RGS6: variants seen among roughly 807,000 people sequenced by gnomAD.
The protein encoded by RGS6 is regulator of G protein signaling 6.
Under a neutral mutation model 78.5 loss-of-function variants are expected in RGS6, and 30 were observed. The observed-to-expected ratio is 0.38, with a 90% CI of 0.29 to 0.52. The LOEUF is 0.52. Ranked by LOEUF, RGS6 falls within the 20% of genes least tolerant of loss-of-function variation. The pLI is 0.85. For missense variants in RGS6, 495 were observed against 609.7 expected (o/e 0.81, Z 1.98); for synonymous variants, 206 against 206.0 (o/e 1.00, Z 0.00).
the RGS6 span, among the ~76,000 whole-genome samples, chr14:72,592,060 T>TG: frequency 3.1e-4 from 47 of 152,302 alleles, no homozygotes; most frequent in South Asian, 4.6e-3. Flanking sequence ...CACCTGGGAT[T>TG]TTTTACCATT....
At chr14:72,277,581 G>A (rs2060883173) in intron 2 of RGS6, among the ~76,000 whole-genome samples, 1 of 150,990 alleles carries the variant, frequency 6.6e-6, no homozygotes, top group African/African-American at 2.4e-5. Context: ...TGGTGACAGA[G>A]AGCGACTCCA....
chr14:71,986,402 A>G (rs940194051), intron 2 of RGS6, among the ~76,000 whole-genome samples: 1 of 152,172 alleles, frequency 6.6e-6, no homozygotes, highest in South Asian at 2.1e-4. Context: ...AATTGCCACA[A>G]ATGTAATGGC....
the RGS6 span, among the ~76,000 whole-genome samples, chr14:71,919,195 G>T: frequency 2.6e-5 from 4 of 152,172 alleles, no homozygotes; most frequent in African/African-American, 9.7e-5. Flanking sequence ...GCCTCAGAGG[G>T]GGAGAAGAGC....
intron 2 of RGS6, among the ~76,000 whole-genome samples, chr14:72,069,050 C>A (rs2094300682): frequency 6.6e-6 from 1 of 151,726 alleles, no homozygotes; most frequent in Non-Finnish European, 1.5e-5. Context: ...TGGCTCACTG[C>A]AACCTCTGGC....
intron 3 of RGS6, among the ~76,000 whole-genome samples, chr14:72,387,204 A>G (rs2088387611): frequency 6.6e-6 from 1 of 152,148 alleles, no homozygotes. Flanking sequence ...GTTTTTGCAG[A>G]TGTATATAAT....
At chr14:72,337,075 A>G (rs2076162412) in intron 2 of RGS6, among the ~76,000 whole-genome samples, 1 of 152,124 alleles carries the variant, frequency 6.6e-6, no homozygotes, top group African/African-American at 2.4e-5. Flanking sequence ...GTGGGGCACA[A>G]TTCAGTCCAT....
chr14:71,933,495 A>G (rs932938677), intron 1 of RGS6, among the ~76,000 whole-genome samples: 3 of 152,100 alleles, frequency 2.0e-5, no homozygotes, highest in Non-Finnish European at 2.9e-5. Context: ...GAGGATGACA[A>G]ATGAACTGGT....
At chr14:72,233,431 A>G (rs549791291) in intron 2 of RGS6, among the ~76,000 whole-genome samples, 5 of 152,278 alleles carry the variant, frequency 3.3e-5, no homozygotes, top group African/African-American at 4.8e-5. Context: ...AAGTGGGTAA[A>G]TTGTTTATGG....
At chr14:72,108,251 G>T (rs1405756093) in intron 2 of RGS6, among the ~76,000 whole-genome samples, 1 of 152,044 alleles carries the variant, frequency 6.6e-6, no homozygotes, top group African/African-American at 2.4e-5. Context: ...AGATACATTA[G>T]ATCATATCCT....
intron 2 of RGS6, among the ~76,000 whole-genome samples, chr14:72,020,968 A>G (rs2088305366): frequency 6.6e-6 from 1 of 152,218 alleles, no homozygotes; most frequent in Non-Finnish European, 1.5e-5. Flanking sequence ...GTATTTGAGA[A>G]GAGCACTTCT....
intron 17 of RGS6, among the ~76,000 whole-genome samples, chr14:72,558,451 A>T (rs2097618227): frequency 6.6e-6 from 1 of 152,220 alleles, no homozygotes; most frequent in East Asian, 1.9e-4. Flanking sequence ...TAAGTGGCAA[A>T]AGCTCTTGGT....
intron 17 of RGS6, among the ~76,000 whole-genome samples, chr14:72,543,953 C>T (rs1203184237): frequency 6.6e-6 from 1 of 152,228 alleles, no homozygotes; most frequent in African/African-American, 2.4e-5. Flanking sequence ...CCAGGCTGTT[C>T]TCAAACTCCT....
At chr14:72,435,174 A>C (rs112879999) in intron 3 of RGS6, among the ~76,000 whole-genome samples, 146 of 152,334 alleles carry the variant, frequency 9.6e-4, no homozygotes, top group Non-Finnish European at 1.3e-3. Context: ...CAGTTGCCAC[A>C]GTACTTCTGA....
chr14:72,552,100 T>C (rs1395682121), intron 17 of RGS6, among the ~76,000 whole-genome samples: 1 of 152,252 alleles, frequency 6.6e-6, no homozygotes, highest in Non-Finnish European at 1.5e-5. Context: ...GGCATCATTA[T>C]ATACATCTTG....
At chr14:72,337,330 A>G (rs1209850111) in intron 2 of RGS6, among the ~76,000 whole-genome samples, 1 of 149,132 alleles carries the variant, frequency 6.7e-6, no homozygotes, top group Non-Finnish European at 1.5e-5. Flanking sequence ...CCACATTATT[A>G]TGGTCCGTGT....
chr14:72,551,619 C>T (rs565204457), intron 17 of RGS6, among the ~76,000 whole-genome samples: 139 of 152,300 alleles, frequency 9.1e-4, no homozygotes, highest in African/African-American at 3.0e-3. Context: ...AAGCTAAGTT[C>T]GAGACAGGCA....
chr14:72,010,915 T>C (rs1467077682), intron 2 of RGS6, among the ~76,000 whole-genome samples: 2 of 152,260 alleles, frequency 1.3e-5, no homozygotes, highest in Non-Finnish European at 1.5e-5. Context: ...TGTTCTGTGT[T>C]TCTGCTTTCT....
At chr14:72,083,935 A>G (rs575812856) in intron 2 of RGS6, among the ~76,000 whole-genome samples, 1 of 152,308 alleles carries the variant, frequency 6.6e-6, no homozygotes, top group South Asian at 2.1e-4. Context: ...GAGGTTCACT[A>G]GTACTTATAA....
intron 3 of RGS6, among the ~76,000 whole-genome samples, chr14:72,380,992 T>C (rs2085933492): frequency 6.6e-6 from 1 of 152,066 alleles, no homozygotes; most frequent in South Asian, 2.1e-4. Context: ...GGAATACTAT[T>C]AGGCTAAGGA....
Sources: gnomAD v4.1 joint callset for allele counts (sites outside exome capture counted in the v4.1 genomes callset) on GRCh38, gnomAD v4.1.1 for gene constraint, MANE v1.5 for transcripts, NCBI Gene and HGNC (gene_info 2026-07-23, HGNC 2026-07-21) for gene names.